GRM1: variants seen among roughly 807,000 people sequenced by gnomAD.
The protein encoded by GRM1 is metabotropic glutamate receptor 1.
Under a neutral mutation model 90.9 loss-of-function variants are expected in GRM1, and 33 were observed. The ratio of observed to expected loss-of-function variants is 0.36; its 90% CI spans 0.28 to 0.49. GRM1 has a LOEUF of 0.49. Ranked by LOEUF, GRM1 falls within the 20% of genes least tolerant of loss-of-function variation. The pLI is 0.99. For missense variants in GRM1, 1,190 were observed against 1,534.3 expected, an observed-to-expected ratio of 0.78 and a Z score of 3.75; for synonymous variants, 700 against 613.2, an observed-to-expected ratio of 1.14 and a Z score of -2.09.
rs1024083849 is a variant in GRM1, at chr6:146,071,102, G to A, written c.700+40885G>A. ...TGCTGTTCTTGTCTCATCTTGGTCTGCTTCTTTGCATCAAGTTTATTATTA... is the reference window on the plus strand; with the variant it reads ...TGCTGTTCTTGTCTCATCTTGGTCTACTTCTTTGCATCAAGTTTATTATTA... On this transcript the variant is annotated intron_variant, in intron 1 of 7. Coordinates refer to ENST00000282753, the MANE Select transcript of GRM1 (RefSeq NM_001278064.2). Among the ~76,000 whole-genome samples the A allele has an allele frequency of 4.6e-5, 7 of 152,104 alleles. 1 individual carries two copies. The highest frequency in any genetic ancestry group is 1.3e-4 in the Admixed American group (2 of 15,262).
intron 7 of GRM1, among the ~76,000 whole-genome samples, chr6:146,433,412 T>C (rs1778481215): frequency 6.6e-6 from 1 of 152,116 alleles, no homozygotes; most frequent in Non-Finnish European, 1.5e-5. Flanking sequence ...CGAGAGTAGC[T>C]TTGTATGTGG....
At chr6:146,262,407 G>T (rs746748755) in intron 2 of GRM1, among the ~76,000 whole-genome samples, 9 of 151,886 alleles carry the variant, frequency 5.9e-5, no homozygotes, top group Non-Finnish European at 1.3e-4. Flanking sequence ...ATATGTGTGT[G>T]TCTCTATTTA....
rs76212614 is a variant in GRM1 at position 146,174,606 on chromosome 6, A to G, written c.950+15009A>G. On this transcript the variant is annotated intron_variant, in intron 2 of 7. Transcript: ENST00000282753. ...CTATTGGAAAATTTTATATTGTTAT[A>G]CAATCACTTAATTAAGCTTATAATT... Among the ~76,000 whole-genome samples, 547 of 152,352 alleles carry G rather than the reference A, an allele frequency of 3.6e-3. 2 individuals are homozygous for G. The highest frequency in any genetic ancestry group is 0.013 in the East Asian group (65 of 5,184).
intron 2 of GRM1, among the ~76,000 whole-genome samples, chr6:146,199,732 C>T (rs1779236406): frequency 4.6e-5 from 7 of 150,758 alleles, no homozygotes; most frequent in Admixed American, 2.0e-4. Flanking sequence ...GAAGTGCTAA[C>T]TCTCACCGGG....
At chr6:146,034,658 C>A (rs1790820400) in intron 1 of GRM1, among the ~76,000 whole-genome samples, 1 of 151,842 alleles carries the variant, frequency 6.6e-6, no homozygotes, top group Admixed American at 6.6e-5. Flanking sequence ...TACGTTAAAA[C>A]CTGAATAAGA....
At chr6:146,319,920 T>G (rs1784111337) in intron 3 of GRM1, among the ~76,000 whole-genome samples, 1 of 152,186 alleles carries the variant, frequency 6.6e-6, no homozygotes, top group African/African-American at 2.4e-5. Context: ...ACAGAGACAA[T>G]TTGACTTCCT....
intron 5 of GRM1, chr6:146,365,374 G>A (rs1353663238): frequency 6.6e-6 from 1 of 152,194 alleles, no homozygotes; most frequent in East Asian, 1.9e-4. Context: ...CTCCCACTCA[G>A]ACCTATATCT....
At chr6:146,244,223 G>C (rs1481147655) in intron 2 of GRM1, among the ~76,000 whole-genome samples, 1 of 151,992 alleles carries the variant, frequency 6.6e-6, no homozygotes, top group African/African-American at 2.4e-5. Flanking sequence ...AGTAAAGACA[G>C]GCATAGGAAA....
chr6:146,302,851 GAAAA>G (rs1562593826), intron 2 of GRM1, among the ~76,000 whole-genome samples: 1 of 150,436 alleles, frequency 6.6e-6, no homozygotes, highest in Non-Finnish European at 1.5e-5. Context: ...AAAGAAGAAA[GAAAA>G]AAGAAAGAAG....
intron 5 of GRM1, among the ~76,000 whole-genome samples, chr6:146,373,488 T>C (rs939805800): frequency 2.6e-5 from 4 of 152,048 alleles, no homozygotes; most frequent in Non-Finnish European, 5.9e-5. Flanking sequence ...GGAGGGATGA[T>C]GATAAACCAT....
chr6:146,041,776 G>A (rs1036342473), intron 1 of GRM1, among the ~76,000 whole-genome samples: 1 of 151,998 alleles, frequency 6.6e-6, no homozygotes, highest in African/African-American at 2.4e-5. Context: ...CTAGATAGTT[G>A]TTTTTGGTTT....
At chr6:146,067,227 C>A (rs993303954) in intron 1 of GRM1, among the ~76,000 whole-genome samples, 3 of 152,160 alleles carry the variant, frequency 2.0e-5, no homozygotes, top group African/African-American at 7.2e-5. Flanking sequence ...ATAAGAAAGG[C>A]TGTATTCCTT....
intron 2 of GRM1, among the ~76,000 whole-genome samples, chr6:146,274,828 T>A (rs1267725757): frequency 1.3e-5 from 2 of 152,168 alleles, no homozygotes; most frequent in Non-Finnish European, 2.9e-5. Flanking sequence ...AAGATGTCAA[T>A]GTCTATGCTA....
At chr6:146,096,488 T>C (rs1776877809) in intron 1 of GRM1, among the ~76,000 whole-genome samples, 1 of 152,198 alleles carries the variant, frequency 6.6e-6, no homozygotes, top group South Asian at 2.1e-4. Context: ...TGGCTACTTA[T>C]TCCACAAATT....
At chr6:146,240,086 C>T (rs979886448) in intron 2 of GRM1, among the ~76,000 whole-genome samples, 7 of 152,060 alleles carry the variant, frequency 4.6e-5, no homozygotes, top group Admixed American at 4.6e-4. Flanking sequence ...TGCCTTAGAA[C>T]CATGCTGGTG....
chr6:146,271,616 C>A (rs188669699), intron 2 of GRM1, among the ~76,000 whole-genome samples: 3 of 152,264 alleles, frequency 2.0e-5, no homozygotes, highest in East Asian at 1.9e-4. Context: ...CTTTGCCTGT[C>A]ATTAAGTTTT....
At chr6:146,068,017 G>C (rs10457791) in intron 1 of GRM1, among the ~76,000 whole-genome samples, 17,594 of 152,218 alleles carry the variant, frequency 0.12, 1,481 homozygotes, top group Non-Finnish European at 0.18. Flanking sequence ...ATTTTAAAAG[G>C]TCGCTTATAG....
At chr6:146,318,117 A>G (rs1160598126) in intron 3 of GRM1, among the ~76,000 whole-genome samples, 1 of 152,228 alleles carries the variant, frequency 6.6e-6, no homozygotes, top group Non-Finnish European at 1.5e-5. Context: ...TGTCATCTAC[A>G]TTAGGTATTC....
intron 2 of GRM1, among the ~76,000 whole-genome samples, chr6:146,287,095 T>C (rs1192001981): frequency 6.6e-6 from 1 of 152,212 alleles, no homozygotes; most frequent in African/African-American, 2.4e-5. Context: ...ATTGCTCGAA[T>C]AATCTGTAGA....
Sources: gnomAD v4.1 joint callset for allele counts (sites outside exome capture counted in the v4.1 genomes callset) on GRCh38, gnomAD v4.1.1 for gene constraint, MANE v1.5 for transcripts, NCBI Gene and HGNC (gene_info 2026-07-23, HGNC 2026-07-21) for gene names.